CTNNA3: variants seen among roughly 807,000 people sequenced by gnomAD.
CTNNA3 encodes the protein catenin alpha 3.
A neutral mutation model predicts 95.7 loss-of-function variants in CTNNA3; 76 were observed. The ratio of observed to expected loss-of-function variants is 0.79; its 90% CI spans 0.66 to 0.96. The LOEUF is 0.96. Ranked by LOEUF, CTNNA3 falls within the 40% of genes least tolerant of loss-of-function variation. CTNNA3 has a pLI of 0.00. For missense variants in CTNNA3, 1,191 were observed against 1,089.8 expected, an observed-to-expected ratio of 1.09 and a Z score of -1.31; for synonymous variants, 431 against 374.4, an observed-to-expected ratio of 1.15 and a Z score of -1.74.
chr10:67,014,950 A>C (rs976666568), intron 7 of CTNNA3, among the ~76,000 whole-genome samples: 2 of 152,070 alleles, frequency 1.3e-5, no homozygotes, highest in Non-Finnish European at 2.9e-5. Flanking sequence ...TTTTCCTTTA[A>C]TTTGACTAAA....
chr10:66,675,682 T>G (rs1398523922), intron 9 of CTNNA3, among the ~76,000 whole-genome samples: 2 of 152,158 alleles, frequency 1.3e-5, no homozygotes, highest in Non-Finnish European at 1.5e-5. Flanking sequence ...AAAATTTCTG[T>G]GCTTATGGTC....
intron 13 of CTNNA3, among the ~76,000 whole-genome samples, chr10:66,186,437 A>C (rs1397420183): frequency 6.6e-6 from 1 of 152,084 alleles, no homozygotes; most frequent in Non-Finnish European, 1.5e-5. Flanking sequence ...GAAGATAAGT[A>C]TGCTTAAAAT....
At chr10:67,681,622 C>T (rs1192765492) in intron 1 of CTNNA3, among the ~76,000 whole-genome samples, 1 of 151,800 alleles carries the variant, frequency 6.6e-6, no homozygotes, top group East Asian at 1.9e-4. Context: ...ATGTATAATA[C>T]ATTTTTAAAG....
chr10:67,618,738 G>A (rs1477584211), intron 2 of CTNNA3, among the ~76,000 whole-genome samples: 1 of 152,180 alleles, frequency 6.6e-6, no homozygotes. Flanking sequence ...ACCAAAATAT[G>A]ATTTAAATAT....
At chr10:67,477,687 A>ATCC (rs1405553847) in intron 5 of CTNNA3, among the ~76,000 whole-genome samples, 1 of 152,218 alleles carries the variant, frequency 6.6e-6, no homozygotes, top group Non-Finnish European at 1.5e-5. Context: ...CAAAGAAAAT[A>ATCC]TCCTCCCTGC....
chr10:67,529,753 C>T lies in CTNNA3; in HGVS notation c.460-7792G>A, dbSNP rs148662024. On this transcript the variant is annotated intron_variant, in intron 4 of 17. Transcript: ENST00000433211. Reference sequence around the variant, plus strand: ...TTCCAATAGGAAATTCATGACAAATCCAGCAAGTATGCCCTATTTGTCTCT... The same window carrying T: ...TTCCAATAGGAAATTCATGACAAATTCAGCAAGTATGCCCTATTTGTCTCT... Among the ~76,000 whole-genome samples the T allele has an allele frequency of 4.1e-4, 63 of 152,154 alleles. 1 individual carries two copies. In the East Asian group the frequency reaches 0.012, roughly 28 times the overall value.
intron 5 of CTNNA3, among the ~76,000 whole-genome samples, chr10:67,496,010 G>T (rs1398174900): frequency 3.3e-5 from 5 of 152,072 alleles, no homozygotes; most frequent in Non-Finnish European, 7.4e-5. Flanking sequence ...TGCTCTAAAA[G>T]TTCCTGTTAT....
intron 13 of CTNNA3, among the ~76,000 whole-genome samples, chr10:66,279,437 G>A (rs1589023417): frequency 6.6e-6 from 1 of 152,060 alleles, no homozygotes; most frequent in East Asian, 1.9e-4. Context: ...TACCCTGCCT[G>A]AGAATTACTT....
At chr10:67,561,288 CT>C (rs1427226895) in intron 3 of CTNNA3, among the ~76,000 whole-genome samples, 1 of 121,038 alleles carries the variant, frequency 8.3e-6, no homozygotes, top group Admixed American at 8.6e-5. Flanking sequence ...AACAAACTGT[CT>C]CTCAGACCAC....
intron 11 of CTNNA3, among the ~76,000 whole-genome samples, chr10:66,468,149 T>A (rs1235061850): frequency 1.3e-5 from 2 of 152,000 alleles, no homozygotes; most frequent in African/African-American, 2.4e-5. Context: ...CGAAGGAGCA[T>A]GTTTAGGTCA....
intron 7 of CTNNA3, among the ~76,000 whole-genome samples, chr10:67,056,836 C>T (rs1190302334): frequency 6.6e-6 from 1 of 152,122 alleles, no homozygotes; most frequent in African/African-American, 2.4e-5. Flanking sequence ...ACTTGTATAA[C>T]CTGCATCACC....
chr10:67,046,800 C>T (rs1008068954), intron 7 of CTNNA3, among the ~76,000 whole-genome samples: 1 of 152,042 alleles, frequency 6.6e-6, no homozygotes, highest in Non-Finnish European at 1.5e-5. Flanking sequence ...GATATCTTGC[C>T]CTGAATGCAT....
intron 11 of CTNNA3, among the ~76,000 whole-genome samples, chr10:66,457,085 C>A (rs944749454): frequency 3.3e-5 from 5 of 151,990 alleles, no homozygotes; most frequent in African/African-American, 4.8e-5. Context: ...CAAATTGAGA[C>A]CCTGTCTCAA....
chr10:66,608,077 T>C (rs531340264), intron 10 of CTNNA3, among the ~76,000 whole-genome samples: 6 of 152,084 alleles, frequency 3.9e-5, no homozygotes, highest in African/African-American at 1.4e-4. Context: ...AAACTTAAGC[T>C]AATAAAAAAA....
intron 7 of CTNNA3, among the ~76,000 whole-genome samples, chr10:66,858,712 C>T (rs7088900): frequency 0.58 from 88,661 of 151,744 alleles, 26,957 homozygotes; most frequent in African/African-American, 0.64. Context: ...AGTTTTTGTA[C>T]TTCTGTGGGG....
At chr10:66,923,599 G>A (rs1846902969) in intron 7 of CTNNA3, among the ~76,000 whole-genome samples, 1 of 152,194 alleles carries the variant, frequency 6.6e-6, no homozygotes, top group South Asian at 2.1e-4. Context: ...AAGGAGAATA[G>A]TCAAAAGCAT....
chr10:67,638,369 G>A (rs1839400914), intron 2 of CTNNA3, among the ~76,000 whole-genome samples: 1 of 152,160 alleles, frequency 6.6e-6, no homozygotes, highest in African/African-American at 2.4e-5. Context: ...CAAGTCCTTA[G>A]AGACCTATAA....
At chr10:66,363,146 A>T (rs2132437265) in intron 12 of CTNNA3, among the ~76,000 whole-genome samples, 1 of 152,318 alleles carries the variant, frequency 6.6e-6, no homozygotes, top group South Asian at 2.1e-4. Flanking sequence ...CTCCTTTGCT[A>T]TATCGTGCGC....
At chr10:66,665,756 C>T (rs2394280) in intron 9 of CTNNA3, among the ~76,000 whole-genome samples, 99,605 of 152,042 alleles carry the variant, frequency 0.66, 33,448 homozygotes, top group East Asian at 0.95. Flanking sequence ...ACTAGCAATA[C>T]TTTTATATGA....
Sources: gnomAD v4.1 joint callset for allele counts (sites outside exome capture counted in the v4.1 genomes callset) on GRCh38, gnomAD v4.1.1 for gene constraint, MANE v1.5 for transcripts, NCBI Gene and HGNC (gene_info 2026-07-23, HGNC 2026-07-21) for gene names.